The following ASIC2 variants were observed in gnomAD, a reference collection of about 807,000 sequenced individuals.
ASIC2 encodes the protein acid sensing ion channel subunit 2.
Under a neutral mutation model 57.3 loss-of-function variants are expected in ASIC2, and 25 were observed. The ratio of observed to expected loss-of-function variants is 0.44; its 90% CI spans 0.32 to 0.61. ASIC2 has a LOEUF of 0.61. ASIC2 is among the 20% of genes least tolerant of loss of function. The probability of loss-of-function intolerance (pLI) is 0.06; values close to 1 mark genes in which losing one functional copy is unlikely to be tolerated. For missense variants in ASIC2, 641 were observed against 738.1 expected (o/e 0.87, Z 1.52); for synonymous variants, 319 against 307.5 (o/e 1.04, Z -0.39).
chr17:33,954,859 A>G (rs1904685782), intron 1 of ASIC2, among the ~76,000 whole-genome samples: 1 of 152,148 alleles, frequency 6.6e-6, no homozygotes, highest in Non-Finnish European at 1.5e-5. Flanking sequence ...TATAAGAAGA[A>G]CCTTGAAGTC....
At chr17:33,791,003 A>G (rs1190209714) in intron 1 of ASIC2, among the ~76,000 whole-genome samples, 3 of 152,164 alleles carry the variant, frequency 2.0e-5, no homozygotes, top group African/African-American at 7.2e-5. Context: ...CTCAGCCAGA[A>G]TTGCAACCCA....
At chr17:33,024,099 A>T in intron 5 of ASIC2, 85 bp from the exon 6 acceptor site, 1 of 1,561,708 alleles carries the variant, frequency 6.4e-7, no homozygotes, top group Admixed American at 1.7e-5. Flanking sequence ...GTAGCAGCTG[A>T]GAAATGAGCT....
chr17:33,696,595 C>T (rs116290547), intron 1 of ASIC2, among the ~76,000 whole-genome samples: 2,147 of 152,226 alleles, frequency 0.014, 59 homozygotes, highest in African/African-American at 0.05. Context: ...TACATTTTTC[C>T]GTTCGTTCAT....
At chr17:33,642,447 C>T (rs1243675396) in intron 1 of ASIC2, among the ~76,000 whole-genome samples, 1 of 152,126 alleles carries the variant, frequency 6.6e-6, no homozygotes, top group African/African-American at 2.4e-5. Context: ...GTCAATTCCA[C>T]TCTGACACAC....
intron 3 of ASIC2, among the ~76,000 whole-genome samples, chr17:33,068,693 CTG>C (rs1435148585): frequency 5.9e-5 from 9 of 152,212 alleles, no homozygotes; most frequent in African/African-American, 2.2e-4. Flanking sequence ...GGAGTCTGTG[CTG>C]TGTTGCCTCT....
intron 1 of ASIC2, among the ~76,000 whole-genome samples, chr17:33,439,483 G>T (rs1055057466): frequency 2.6e-5 from 4 of 152,140 alleles, no homozygotes; most frequent in Admixed American, 2.6e-4. Context: ...TATCATAGGG[G>T]TTCCATGCAA....
At chr17:33,490,517 A>C (rs1242986977) in intron 1 of ASIC2, among the ~76,000 whole-genome samples, 1 of 152,154 alleles carries the variant, frequency 6.6e-6, no homozygotes, top group Non-Finnish European at 1.5e-5. Flanking sequence ...GAATCATGGG[A>C]GCAAGTGTTT....
At chr17:33,109,883 G>T (rs1393767782) in intron 2 of ASIC2, among the ~76,000 whole-genome samples, 1 of 152,136 alleles carries the variant, frequency 6.6e-6, no homozygotes, top group African/African-American at 2.4e-5. Flanking sequence ...GACCTCAGAG[G>T]TTCTTTCCTG....
At chr17:33,366,996 C>CA (rs1908834775) in intron 1 of ASIC2, among the ~76,000 whole-genome samples, 1 of 152,208 alleles carries the variant, frequency 6.6e-6, no homozygotes, top group African/African-American at 2.4e-5. Flanking sequence ...TAAAACTTTG[C>CA]AAAAATTATG....
intron 1 of ASIC2, among the ~76,000 whole-genome samples, chr17:33,835,216 C>A (rs1472930007): frequency 6.6e-6 from 1 of 152,206 alleles, no homozygotes; most frequent in Non-Finnish European, 1.5e-5. Context: ...GGACCTACTA[C>A]TGTTGGTTTG....
chr17:34,016,493 A>G (rs959360908), intron 1 of ASIC2, among the ~76,000 whole-genome samples: 5 of 151,848 alleles, frequency 3.3e-5, no homozygotes, highest in Non-Finnish European at 7.4e-5. Flanking sequence ...ACAGCGCAAC[A>G]TTATGAAATA....
chr17:33,988,759 G>A (rs1029889177), intron 1 of ASIC2, among the ~76,000 whole-genome samples: 1 of 151,906 alleles, frequency 6.6e-6, no homozygotes, highest in African/African-American at 2.4e-5. Flanking sequence ...GATCCACTTT[G>A]CCATTGCTCC....
intron 1 of ASIC2, among the ~76,000 whole-genome samples, chr17:33,637,311 C>A (rs1363707576): frequency 1.3e-5 from 2 of 152,082 alleles, no homozygotes; most frequent in African/African-American, 4.8e-5. Flanking sequence ...AGCTCGGCTC[C>A]TAGATCTGCA....
At chr17:33,916,331 A>G (rs1915584294) in intron 1 of ASIC2, among the ~76,000 whole-genome samples, 1 of 152,128 alleles carries the variant, frequency 6.6e-6, no homozygotes. Flanking sequence ...TTGGGCTACT[A>G]AGTACCGGTA....
intron 7 of ASIC2, among the ~76,000 whole-genome samples, chr17:33,019,382 T>A (rs1165678276): frequency 2.9e-4 from 44 of 151,330 alleles, no homozygotes; most frequent in Admixed American, 2.9e-3. Context: ...TATGGGGGTG[T>A]GTGGGGGCTG....
At chr17:33,259,281 G>A (rs902987545) in intron 1 of ASIC2, among the ~76,000 whole-genome samples, 1 of 152,146 alleles carries the variant, frequency 6.6e-6, no homozygotes, top group Admixed American at 6.5e-5. Flanking sequence ...TCCATCGCTG[G>A]TGGCATTATC....
chr17:33,721,227 T>C (rs1909379072), intron 1 of ASIC2, among the ~76,000 whole-genome samples: 1 of 152,208 alleles, frequency 6.6e-6, no homozygotes, highest in African/African-American at 2.4e-5. Flanking sequence ...TTGGTCTCTG[T>C]TTCCTGAATT....
At chr17:33,260,334 T>C (rs1909232068) in intron 1 of ASIC2, among the ~76,000 whole-genome samples, 2 of 152,154 alleles carry the variant, frequency 1.3e-5, no homozygotes, top group Non-Finnish European at 2.9e-5. Flanking sequence ...GCCAGAAAGA[T>C]GGCAACCAGA....
chr17:33,084,755 A>T (rs1229163336), intron 3 of ASIC2, among the ~76,000 whole-genome samples: 1 of 152,048 alleles, frequency 6.6e-6, no homozygotes, highest in African/African-American at 2.4e-5. Flanking sequence ...CCAGCATATT[A>T]TCCCGCTGCC....
Sources: gnomAD v4.1 joint callset for allele counts (sites outside exome capture counted in the v4.1 genomes callset) on GRCh38, gnomAD v4.1.1 for gene constraint, MANE v1.5 for transcripts, NCBI Gene and HGNC (gene_info 2026-07-23, HGNC 2026-07-21) for gene names.